TLN2: variants seen among roughly 807,000 people sequenced by gnomAD.
TLN2 encodes the protein talin 2.
Under a neutral mutation model 294.7 loss-of-function variants are expected in TLN2, and 118 were observed. That is an observed-to-expected ratio of 0.40 (90% CI 0.34 to 0.47). TLN2 has a LOEUF of 0.47. Among genes scored for constraint, TLN2 ranks in the 20% least tolerant of loss-of-function variants. The pLI, the probability that TLN2 is intolerant of heterozygous loss-of-function variation, is 0.84. For missense variants in TLN2, 3,083 were observed against 3,282.2 expected (o/e 0.94, Z 1.48); for synonymous variants, 1,431 against 1,304.5 (o/e 1.10, Z -2.09).
chr15:62,582,344 C>T (rs1447698374), intron 1 of TLN2, among the ~76,000 whole-genome samples: 1 of 152,012 alleles, frequency 6.6e-6, no homozygotes, highest in African/African-American at 2.4e-5. Flanking sequence ...ATTTTTCAGT[C>T]ATTCATTGAG....
intron 1 of TLN2, among the ~76,000 whole-genome samples, chr15:62,558,022 G>C (rs963850135): frequency 2.0e-5 from 3 of 152,176 alleles, no homozygotes; most frequent in Non-Finnish European, 4.4e-5. Context: ...AGCCAAAGCA[G>C]CTCTGCTTTT....
intron 2 of TLN2, among the ~76,000 whole-genome samples, chr15:62,616,269 A>G (rs1349024536): frequency 1.3e-5 from 2 of 152,254 alleles, no homozygotes; most frequent in Non-Finnish European, 2.9e-5. Context: ...ACGAATGCCC[A>G]TATGAACACT....
intron 1 of TLN2, among the ~76,000 whole-genome samples, chr15:62,519,604 C>T (rs1251507924): frequency 6.6e-6 from 1 of 152,172 alleles, no homozygotes; most frequent in Non-Finnish European, 1.5e-5. Flanking sequence ...GGTATGCCAG[C>T]TGCTAGGATT....
intron 1 of TLN2, among the ~76,000 whole-genome samples, chr15:62,479,288 C>T (rs2037952857): frequency 6.6e-6 from 1 of 152,138 alleles, no homozygotes; most frequent in Non-Finnish European, 1.5e-5. Context: ...GGGCTTATTT[C>T]CTCAACAGTA....
chr15:62,805,165 G>T (rs2066189581), intron 50 of TLN2, among the ~76,000 whole-genome samples: 1 of 152,134 alleles, frequency 6.6e-6, no homozygotes. Flanking sequence ...AGAGAGAGAG[G>T]TGAGTCCTGA....
intron 43 of TLN2, among the ~76,000 whole-genome samples, chr15:62,779,017 A>AATG (rs1248894738): frequency 1.3e-5 from 2 of 152,260 alleles, no homozygotes; most frequent in Non-Finnish European, 2.9e-5. Flanking sequence ...TAATTTGGTT[A>AATG]AAACTCTGAG....
chr15:62,784,898 C>T (rs1399505676), intron 45 of TLN2: 1 of 152,204 alleles, frequency 6.6e-6, no homozygotes, highest in Non-Finnish European at 1.5e-5. Flanking sequence ...CCAAGTTACT[C>T]AGTGCTGCTA....
At position 62,547,354 on chromosome 15, in the gene TLN2, A is replaced by G. The variant is rs764885150; in HGVS notation, c.-237-42333A>G. Among the ~76,000 whole-genome samples the G allele has an allele frequency of 5.6e-4, 86 of 152,306 alleles. No individual in the cohort carries two copies. The Middle Eastern group carries it at 0.01, about 18-fold the overall frequency. ...TAGTATCAATCTTGTGGCTACGTTG[A>G]CATCTTTGTGGCTCGTATGTGAACA... On this transcript the variant is annotated intron_variant, in intron 1 of 58. Transcript: ENST00000636159.
At position 62,589,963 on chromosome 15, in the gene TLN2, G is replaced by A. The variant is rs1455458540; in HGVS notation, c.-162+201G>A. Among the ~76,000 whole-genome samples the A allele has an allele frequency of 2.0e-5, 3 of 152,100 alleles. No homozygotes were observed. In the East Asian group the frequency reaches 5.8e-4, roughly 29 times the overall value. ...TTTTTCCTCCTGGTAGCTTGGTGAG[G>A]TGATGGTAGGGGCCCAGAGGAGGAG... On this transcript the variant is annotated intron_variant, in intron 2 of 58. Transcript: ENST00000636159.
At chr15:62,616,995 A>G (rs77667034) in intron 2 of TLN2, among the ~76,000 whole-genome samples, 2,735 of 152,244 alleles carry the variant, frequency 0.018, 40 homozygotes, top group Middle Eastern at 0.034. Context: ...GTCTTCTTGC[A>G]GGATTTTCTA....
rs1199287983 is a variant in TLN2, at chr15:62,841,007, C to G, written c.*397C>G. On this transcript the variant is annotated 3_prime_UTR_variant, in exon 59 of 59. Transcript: ENST00000636159. ...TGATAGGGAAAAAAATCATTGACGT[C>G]ATAGAATATTCTTCTTCCTCTCAGG... is the stretch of plus-strand genomic sequence containing the variant. The G allele has an allele frequency of 1.3e-5, 2 of 157,678 alleles. No individual in the cohort carries two copies. The highest frequency in any genetic ancestry group is 2.8e-5 in the Non-Finnish European group (2 of 71,550). The allele number at this position is 157,678 out of a possible 1,614,324, so 9.8% of individuals were successfully genotyped here. A position where few individuals can be genotyped will look rare whatever the true frequency, so the allele number is the denominator to read the frequency against.
At chr15:62,678,580 C>G (rs1367475726) in intron 11 of TLN2, among the ~76,000 whole-genome samples, 1 of 151,692 alleles carries the variant, frequency 6.6e-6, no homozygotes, top group African/African-American at 2.4e-5. Context: ...CCTGTAATCC[C>G]AGCACTTTGG....
At chr15:62,759,495 C>G (rs1290066389) in intron 37 of TLN2, among the ~76,000 whole-genome samples, 3 of 152,216 alleles carry the variant, frequency 2.0e-5, no homozygotes, top group Non-Finnish European at 4.4e-5. Flanking sequence ...GACACCTACA[C>G]AATTAGAAAA....
intron 1 of TLN2, among the ~76,000 whole-genome samples, chr15:62,578,195 A>G (rs758633304): frequency 2.0e-5 from 3 of 152,228 alleles, no homozygotes; most frequent in Non-Finnish European, 2.9e-5. Context: ...TTAAACATGT[A>G]TATGGTACAT....
At chr15:62,686,924 G>C (rs2057336118) in intron 12 of TLN2, 128 bp downstream of exon 12, 1 of 1,288,382 alleles carries the variant, frequency 7.8e-7, no homozygotes, top group African/African-American at 1.5e-5. Flanking sequence ...GAGTGAGGAA[G>C]ATGGTGCAAG....
chr15:62,557,897 C>T (rs1011800601), intron 1 of TLN2, among the ~76,000 whole-genome samples: 4 of 152,178 alleles, frequency 2.6e-5, no homozygotes, highest in Admixed American at 1.3e-4. Flanking sequence ...AAGCCACAAG[C>T]CCTAGTACCT....
At chr15:62,516,399 C>T (rs2040194046) in intron 1 of TLN2, among the ~76,000 whole-genome samples, 1 of 152,132 alleles carries the variant, frequency 6.6e-6, no homozygotes, top group Non-Finnish European at 1.5e-5. Context: ...TTATTTTGGT[C>T]CTAATCACAT....
At chr15:62,621,745 C>A (rs77018296) in intron 3 of TLN2, among the ~76,000 whole-genome samples, 5,312 of 152,240 alleles carry the variant, frequency 0.035, 108 homozygotes, top group Non-Finnish European at 0.05. Flanking sequence ...TCCCTTATGG[C>A]GGGATTGGCC....
At chr15:62,616,004 A>T (rs904269667) in intron 2 of TLN2, among the ~76,000 whole-genome samples, 1 of 151,988 alleles carries the variant, frequency 6.6e-6, no homozygotes, top group Non-Finnish European at 1.5e-5. Context: ...AATTTTTACT[A>T]CTGTCCTCTA....
Sources: gnomAD v4.1 joint callset for allele counts (sites outside exome capture counted in the v4.1 genomes callset) on GRCh38, gnomAD v4.1.1 for gene constraint, MANE v1.5 for transcripts, NCBI Gene and HGNC (gene_info 2026-07-23, HGNC 2026-07-21) for gene names.